ADAMTS14: variants seen among roughly 807,000 people sequenced by gnomAD.
ADAMTS14 encodes the protein ADAM metallopeptidase with thrombospondin type 1 motif 14.
ADAMTS14 carries 100 observed loss-of-function variants against 128.6 expected under a neutral mutation model. The observed-to-expected ratio is 0.78, with a 90% CI of 0.66 to 0.92. The LOEUF (loss-of-function observed/expected upper bound fraction) is 0.92, where lower values mean the gene tolerates loss of function less well. Ranked by LOEUF, ADAMTS14 falls within the 40% of genes least tolerant of loss-of-function variation. The pLI is 0.00. For missense variants in ADAMTS14, 1,562 were observed against 1,658.6 expected (o/e 0.94, Z 1.01); for synonymous variants, 665 against 653.8 (o/e 1.02, Z -0.26).
At chr10:70,686,083 T>C (rs1839942990) in intron 2 of ADAMTS14, among the ~76,000 whole-genome samples, 2 of 152,326 alleles carry the variant, frequency 1.3e-5, no homozygotes, top group South Asian at 4.1e-4. Flanking sequence ...TATGTACACA[T>C]TACTTGTCAT....
At chr10:70,752,408 C>T (rs1842376593) in intron 18 of ADAMTS14, among the ~76,000 whole-genome samples, 181 bp downstream of exon 18, 1 of 152,132 alleles carries the variant, frequency 6.6e-6, no homozygotes, top group African/African-American at 2.4e-5. Flanking sequence ...TCTACCTCTT[C>T]TCTGCCTGAT....
intron 2 of ADAMTS14, among the ~76,000 whole-genome samples, chr10:70,687,328 C>CG (rs1468100435): frequency 4.5e-5 from 3 of 67,254 alleles, no homozygotes; most frequent in Non-Finnish European, 6.4e-5. Context: ...GCTGGCCGGG[C>CG]GGGGGGCCGA....
intron 2 of ADAMTS14, among the ~76,000 whole-genome samples, chr10:70,695,794 G>A (rs7072645): frequency 0.11 from 16,178 of 152,280 alleles, 1,671 homozygotes; most frequent in East Asian, 0.54. Context: ...TTCAGGAGGA[G>A]CCAGGGCTGG....
At chr10:70,759,184 C>G (rs1265272459) in intron 21 of ADAMTS14, among the ~76,000 whole-genome samples, 3 of 117,264 alleles carry the variant, frequency 2.6e-5, no homozygotes, top group Non-Finnish European at 5.3e-5. Flanking sequence ...GGTTTCCTGC[C>G]GTCTTCCTTC....
intron 12 of ADAMTS14, among the ~76,000 whole-genome samples, chr10:70,743,059 C>T (rs1051212132): frequency 4.6e-5 from 7 of 152,158 alleles, no homozygotes; most frequent in Admixed American, 4.6e-4. Flanking sequence ...AACCACTTAT[C>T]GTGTGGTTGT....
At chr10:70,720,156 G>A (rs937079540) in intron 4 of ADAMTS14, among the ~76,000 whole-genome samples, 6 of 152,234 alleles carry the variant, frequency 3.9e-5, no homozygotes, top group South Asian at 4.1e-4. Flanking sequence ...GGCTCCAGGA[G>A]CTCCAGAGAC....
intron 15 of ADAMTS14, among the ~76,000 whole-genome samples, 184 bp from the exon 16 acceptor site, chr10:70,749,638 C>CGT (rs937138979): frequency 8.4e-5 from 8 of 95,636 alleles, no homozygotes; most frequent in African/African-American, 2.9e-4. Flanking sequence ...TGTGTGTGTG[C>CGT]GCGCACGTGG....
chr10:70,751,661 A>G lies in ADAMTS14; in HGVS notation c.2596+15A>G, dbSNP rs780288110. 6.3e-7 allele frequency: 1 copy of G among 1,585,022 alleles called. No homozygotes were observed. The highest frequency in any genetic ancestry group is 2.3e-5 in the East Asian group (1 of 43,450). On this transcript the variant is annotated intron_variant, in intron 17 of 21. Transcript: ENST00000373207. ...CTGTGGAGGAGGTACCGGTTCCCTG[A>G]CCCGCCAGTGCTTTGTTGGGGCAGC... is the stretch of plus-strand genomic sequence containing the variant.
intron 19 of ADAMTS14, among the ~76,000 whole-genome samples, chr10:70,755,721 T>C (rs1842465676): frequency 6.6e-6 from 1 of 152,166 alleles, no homozygotes; most frequent in Non-Finnish European, 1.5e-5. Flanking sequence ...GGCTGGCGTA[T>C]GCCTGTAATC....
intron 4 of ADAMTS14, among the ~76,000 whole-genome samples, chr10:70,725,636 G>A (rs755280475): frequency 6.6e-5 from 10 of 152,134 alleles, no homozygotes; most frequent in Non-Finnish European, 1.3e-4. Context: ...CCATTCAGGA[G>A]GGCTCTGCCT....
intron 2 of ADAMTS14, among the ~76,000 whole-genome samples, chr10:70,683,186 G>A (rs1839865508): frequency 6.6e-6 from 1 of 152,230 alleles, no homozygotes; most frequent in Non-Finnish European, 1.5e-5. Context: ...GGCCGAGTGG[G>A]CGTGTAGGGG....
At position 70,738,836 on chromosome 10, in the gene ADAMTS14, C is replaced by A; in HGVS notation, c.1600-6C>A. 6.2e-7 allele frequency: 1 copy of A among 1,613,910 alleles called. No individual in the cohort carries two copies. Among genetic ancestry groups the A allele is most frequent in the Non-Finnish European group, 8.5e-7 (1 of 1,180,008 alleles). ...GGGTGACCTCATGCCCTCTGCTCTGCCCCAGTGGTGCTTCAAAGGTCACTG... is the reference window on the plus strand; with the variant it reads ...GGGTGACCTCATGCCCTCTGCTCTGACCCAGTGGTGCTTCAAAGGTCACTG... On this transcript the variant is annotated splice_region_variant and splice_polypyrimidine_tract_variant and intron_variant, in intron 10 of 21. Transcript: ENST00000373207.
chr10:70,699,035 G>A (rs1403144694), intron 2 of ADAMTS14, among the ~76,000 whole-genome samples: 2 of 152,184 alleles, frequency 1.3e-5, no homozygotes, highest in Non-Finnish European at 2.9e-5. Context: ...TTGCCCAGAG[G>A]TGGAGAGTTG....
rs974709575 is a variant in ADAMTS14, at chr10:70,751,479, C to A, written c.2429C>A (p.Ala810Asp). The A allele has an allele frequency of 1.2e-6, 2 of 1,600,216 alleles. No individual in the cohort carries two copies. The highest frequency in any genetic ancestry group is 4.5e-5 in the East Asian group (2 of 44,408). The change falls in exon 17 of 22, where the codon GCT becomes GAT. Residue 810 changes from alanine to aspartate, a missense_variant and splice_region_variant. Transcript: ENST00000373207. ...GPLPEAIAILALPPTEGGPRS... is the reference protein window; with the variant it reads ...GPLPEAIAILDLPPTEGGPRS... ...TGCCAGCTCCCCATCTCCCCTCAGG[C>A]TCTCCCCCCAACTGAGGGTGGCCCC...
intron 4 of ADAMTS14, among the ~76,000 whole-genome samples, chr10:70,712,373 C>T (rs1840889891): frequency 6.6e-6 from 1 of 152,168 alleles, no homozygotes; most frequent in African/African-American, 2.4e-5. Flanking sequence ...ATTGCAGCCC[C>T]AGAATCCTTC....
chr10:70,708,489 G>A, intron 3 of ADAMTS14, 99 bp from the exon 4 acceptor site: 1 of 1,058,152 alleles, frequency 9.5e-7, no homozygotes, highest in Non-Finnish European at 1.4e-6. Context: ...GGCAGGGAAA[G>A]GGGCACCAGT....
intron 1 of ADAMTS14, 51 bp from the exon 2 acceptor site, chr10:70,674,505 C>A: frequency 6.4e-7 from 1 of 1,558,768 alleles, no homozygotes; most frequent in African/African-American, 1.3e-5. Flanking sequence ...CTGACTTCCC[C>A]TTACCTCTGA....
intron 12 of ADAMTS14, among the ~76,000 whole-genome samples, chr10:70,741,519 C>A (rs1177059967): frequency 6.6e-6 from 1 of 152,256 alleles, no homozygotes; most frequent in Non-Finnish European, 1.5e-5. Flanking sequence ...TCTTCTGTCC[C>A]TACCTGCAGG....
chr10:70,695,139 G>A (rs568504465), intron 2 of ADAMTS14, among the ~76,000 whole-genome samples: 17 of 152,244 alleles, frequency 1.1e-4, no homozygotes, highest in African/African-American at 3.9e-4. Flanking sequence ...TGTGCTTACT[G>A]CTATTTGTAG....
Sources: allele counts gnomAD v4.1 joint callset (sites outside exome capture counted in the v4.1 genomes callset), GRCh38; gene constraint gnomAD v4.1.1; transcripts MANE v1.5; gene names NCBI Gene and HGNC (gene_info 2026-07-23, HGNC 2026-07-21).